Variants in EXOSC7 observed in about 807,000 individuals in gnomAD.
EXOSC7 encodes exosome complex component RRP42.
Under a neutral mutation model 34.3 loss-of-function variants are expected in EXOSC7, and 25 were observed. The ratio of observed to expected loss-of-function variants is 0.73; its 90% CI spans 0.53 to 1.02. The LOEUF (loss-of-function observed/expected upper bound fraction) is 1.02. Ranked by LOEUF, EXOSC7 falls within the 50% of genes least tolerant of loss-of-function variation. The pLI, the probability that EXOSC7 is intolerant of heterozygous loss-of-function variation, is 0.00. For synonymous variants in EXOSC7, 130 were observed against 143.0 expected (o/e 0.91, Z 0.65); for missense variants, 370 against 368.5 (o/e 1.00, Z -0.03).
intron 1 of EXOSC7, among the ~76,000 whole-genome samples, chr3:44,986,509 C>A (rs567610639): frequency 4.6e-5 from 7 of 152,210 alleles, no homozygotes; most frequent in African/African-American, 1.7e-4. Flanking sequence ...CTGAGGGAGC[C>A]GGCTCCCACC....
At chr3:45,011,183 G>A (rs1182259163) in intron 7 of EXOSC7, 52 bp from the exon 8 acceptor site, 7 of 1,049,388 alleles carry the variant, frequency 6.7e-6, no homozygotes, top group Non-Finnish European at 8.5e-6. Flanking sequence ...TCTGGTCAGA[G>A]TGTGTGTGCC....
intron 3 of EXOSC7, 26 bp from the exon 4 acceptor site, chr3:44,997,061 A>G (rs910875715): frequency 1.9e-6 from 3 of 1,607,114 alleles, no homozygotes; most frequent in Non-Finnish European, 2.6e-6. Context: ...AGACTCACCC[A>G]GTTTTTTTGT....
At chr3:44,998,613 CAG>C (rs985896245) in intron 4 of EXOSC7, among the ~76,000 whole-genome samples, 2 of 152,160 alleles carry the variant, frequency 1.3e-5, no homozygotes, top group African/African-American at 4.8e-5. Context: ...TCTATTGAGA[CAG>C]GGTGGAGTTT....
At chr3:44,985,241 G>A (rs1706374136) in intron 1 of EXOSC7, among the ~76,000 whole-genome samples, 1 of 152,188 alleles carries the variant, frequency 6.6e-6, no homozygotes, top group African/African-American at 2.4e-5. Context: ...ACCTTCTGGA[G>A]TTCTATCCTA....
Position 44,998,828 on chromosome 3 carries a change from A to G in EXOSC7, c.420+1576A>G, listed in dbSNP as rs142069622. Reference sequence around the variant, plus strand: ...ATTCCTACTAAGTTGGCAATTTTTCAGGTCCTGGGTTTGAGAAGGTGGGAC... The same window carrying G: ...ATTCCTACTAAGTTGGCAATTTTTCGGGTCCTGGGTTTGAGAAGGTGGGAC... On this transcript the variant is annotated intron_variant, in intron 4 of 7. Transcript: ENST00000265564. 5.9e-3 allele frequency among the ~76,000 whole-genome samples: 896 copies of G among 152,292 alleles called. 30 individuals carry two copies. The highest frequency in any genetic ancestry group is 0.051 in the Admixed American group (779 of 15,290).
chr3:45,007,232 A>G (rs1707073525), intron 6 of EXOSC7, among the ~76,000 whole-genome samples, 188 bp from the exon 7 acceptor site: 1 of 152,190 alleles, frequency 6.6e-6, no homozygotes, highest in Non-Finnish European at 1.5e-5. Context: ...TACCACCCAC[A>G]CAGTGGCCTG....
rs1245602722 is a variant in EXOSC7 at position 45,007,458 on chromosome 3, G to A, written c.654G>A (p.Glu218=). ...YRHVVDATLQ[E]EACSLASLLV... The stretch of plus-strand genomic sequence containing the variant: ...ATGTGGTGGATGCTACTCTTCAGGA[G>A]GAGGCCTGCTCGCTGGCCAGCTTGC... The change falls in exon 7 of 8, where the codon GAG becomes GAA. Residue 218 remains glutamate, a synonymous_variant. Transcript: ENST00000265564. 6.2e-7 allele frequency: 1 copy of A among 1,614,220 alleles called. No homozygotes were observed. The highest frequency in any genetic ancestry group is 1.7e-5 in the Admixed American group (1 of 60,024).
At chr3:44,992,368 CA>C (rs772911652) in intron 3 of EXOSC7, among the ~76,000 whole-genome samples, 56 of 152,248 alleles carry the variant, frequency 3.7e-4, no homozygotes, top group African/African-American at 1.3e-3. Flanking sequence ...ATTAAATTGC[CA>C]GGGGTAGAGA....
intron 7 of EXOSC7, 53 bp from the exon 8 acceptor site, chr3:45,011,182 A>T (rs1707200355): frequency 9.7e-7 from 1 of 1,032,516 alleles, no homozygotes. Flanking sequence ...TTCTGGTCAG[A>T]GTGTGTGTGC....
rs757102199 is a variant in EXOSC7, at chr3:44,976,314, T to C, written c.37T>C (p.Tyr13His). ...SVTLSEAEKV[Y>H]IVHGVQEDLR... Reference sequence around the variant, plus strand: ...GACGCTGAGCGAGGCGGAGAAGGTGTACATCGTGCATGGCGTCCAGGTAGC... The same window carrying C: ...GACGCTGAGCGAGGCGGAGAAGGTGCACATCGTGCATGGCGTCCAGGTAGC... Residue 13 changes from tyrosine to histidine, a missense_variant, in exon 1 of 8, where the codon TAC (tyrosine) becomes CAC (histidine). By Grantham distance (83) the Tyr-to-His change is moderately conservative. Coordinates refer to ENST00000265564, the MANE Select transcript of EXOSC7 (RefSeq NM_015004.4). 1.9e-6 allele frequency: 3 copies of C among 1,569,746 alleles called. No individual in the cohort carries two copies. Among genetic ancestry groups the C allele is most frequent in the African/African-American group, 2.8e-5 (2 of 71,100 alleles).
chr3:45,009,737 G>A (rs1421712302), intron 7 of EXOSC7, among the ~76,000 whole-genome samples: 2 of 151,988 alleles, frequency 1.3e-5, no homozygotes, highest in African/African-American at 2.4e-5. Flanking sequence ...TAGTAGAGAC[G>A]GGGTTTCAGT....
intron 1 of EXOSC7, among the ~76,000 whole-genome samples, chr3:44,983,374 T>G (rs1706324921): frequency 1.3e-5 from 2 of 152,226 alleles, no homozygotes; most frequent in African/African-American, 4.8e-5. Context: ...TTTAAATGCT[T>G]TATGACGTTT....
intron 1 of EXOSC7, among the ~76,000 whole-genome samples, chr3:44,988,707 G>A (rs1706486956): frequency 6.6e-6 from 1 of 152,230 alleles, no homozygotes; most frequent in African/African-American, 2.4e-5. Context: ...AGTTTTAGGG[G>A]TAGGAGGGCT....
chr3:44,977,824 C>G (rs1706144564), intron 1 of EXOSC7, among the ~76,000 whole-genome samples: 1 of 152,204 alleles, frequency 6.6e-6, no homozygotes, highest in Non-Finnish European at 1.5e-5. Flanking sequence ...GTCATGTGTC[C>G]TATTTTCTCT....
intron 1 of EXOSC7, 79 bp downstream of exon 1, chr3:44,976,413 G>T (rs6441874): frequency 0.46 from 600,186 of 1,310,584 alleles, 141,035 homozygotes; most frequent in East Asian, 0.81. Flanking sequence ...GGGTTTGCCA[G>T]TGAGGAGGCA....
At chr3:44,994,292 GAGTT>G (rs1706657071) in intron 3 of EXOSC7, among the ~76,000 whole-genome samples, 1 of 149,418 alleles carries the variant, frequency 6.7e-6, no homozygotes, top group Non-Finnish European at 1.5e-5. Context: ...TAAAATGAGA[GAGTT>G]AGACCATCTG....
intron 7 of EXOSC7, among the ~76,000 whole-genome samples, chr3:45,010,687 A>C (rs568175675): frequency 6.6e-6 from 1 of 152,094 alleles, no homozygotes; most frequent in African/African-American, 2.4e-5. Flanking sequence ...TGCCTTTAGC[A>C]TCTCAGCATG....
intron 4 of EXOSC7, among the ~76,000 whole-genome samples, chr3:44,997,965 A>G (rs1057246252): frequency 7.6e-5 from 11 of 144,932 alleles, no homozygotes; most frequent in African/African-American, 2.9e-4. Context: ...CCTCCCAAAT[A>G]CTCCTCTACC....
At position 45,001,608 on chromosome 3, in the gene EXOSC7, G is replaced by A. The variant is rs369286364; in HGVS notation, c.491G>A (p.Arg164Lys). 4.2e-5 allele frequency: 67 copies of A among 1,609,584 alleles called. No individual in the cohort carries two copies. The Admixed American group carries it at 5.7e-4, about 14-fold the overall frequency. ...IAVKAALFNTRIPRVRVLEDE... is the reference protein window; with the variant it reads ...IAVKAALFNTKIPRVRVLEDE... ...GTAAAGGCTGCTCTCTTCAATACAA[G>A]GTAAGTCTTCCTAGAAACAGCTCTG... is the stretch of plus-strand genomic sequence containing the variant. The change falls in exon 5 of 8, where the codon AGG becomes AAG. Residue 164 changes from arginine to lysine, a missense_variant and splice_region_variant. By Grantham distance (26) the Arg-to-Lys change is conservative (BLOSUM62 2). This residue lies in a region of EXOSC7 where 255 missense variants were observed against 246.4 expected (regional missense o/e 1.03). Coordinates refer to ENST00000265564, the MANE Select transcript of EXOSC7 (RefSeq NM_015004.4).
Sources: allele counts gnomAD v4.1 joint callset (sites outside exome capture counted in the v4.1 genomes callset), GRCh38; gene constraint gnomAD v4.1.1; regional missense constraint gnomAD v4.1.1; transcripts MANE v1.5; gene names NCBI Gene and HGNC (gene_info 2026-07-23, HGNC 2026-07-21).